Variants in TRPM3 observed in about 807,000 individuals in gnomAD.
TRPM3 encodes the protein long transient receptor potential channel 3.
Under a neutral mutation model 181.2 loss-of-function variants are expected in TRPM3, and 77 were observed. That is an observed-to-expected ratio of 0.42 (90% CI 0.35 to 0.51). The LOEUF is 0.51. TRPM3 is among the 20% of genes least tolerant of loss of function. The pLI is 0.01. For missense variants in TRPM3, 1,759 were observed against 2,196.7 expected (o/e 0.80, Z 3.98); for synonymous variants, 745 against 796.4 (o/e 0.94, Z 1.09).
At chr9:70,596,231 T>G (rs908652633) in intron 21 of TRPM3, among the ~76,000 whole-genome samples, 5 of 152,162 alleles carry the variant, frequency 3.3e-5, no homozygotes, top group African/African-American at 1.2e-4. Context: ...CTCAAAGGGG[T>G]TTAAATAAAT....
intron 3 of TRPM3, among the ~76,000 whole-genome samples, chr9:70,852,036 T>C (rs1374439777): frequency 2.1e-5 from 3 of 145,182 alleles, no homozygotes; most frequent in East Asian, 2.1e-4. Flanking sequence ...GAAGAATCAC[T>C]TGAACCCAGG....
intron 1 of TRPM3, among the ~76,000 whole-genome samples, chr9:71,248,702 C>T (rs528788326): frequency 6.6e-6 from 1 of 152,290 alleles, no homozygotes; most frequent in South Asian, 2.1e-4. Flanking sequence ...TCTTCCCAGT[C>T]AGCCAAGACA....
intron 1 of TRPM3, among the ~76,000 whole-genome samples, chr9:71,366,294 G>A (rs2092333472): frequency 6.6e-6 from 1 of 152,176 alleles, no homozygotes; most frequent in Non-Finnish European, 1.5e-5. Flanking sequence ...TTGCAAGACA[G>A]AATAAATGAA....
At chr9:70,898,710 T>C (rs1211510813) in intron 1 of TRPM3, among the ~76,000 whole-genome samples, 2 of 140,108 alleles carry the variant, frequency 1.4e-5, no homozygotes, top group Non-Finnish European at 3.0e-5. Context: ...ATCGTGCCAT[T>C]GCACTCCAGT....
intron 1 of TRPM3, among the ~76,000 whole-genome samples, chr9:71,087,761 C>A (rs1398540866): frequency 1.3e-5 from 2 of 152,062 alleles, no homozygotes; most frequent in Non-Finnish European, 2.9e-5. Context: ...CATGTTTAGA[C>A]CAACTCTACT....
At chr9:70,699,536 C>T (rs2071710587) in intron 8 of TRPM3, among the ~76,000 whole-genome samples, 1 of 152,156 alleles carries the variant, frequency 6.6e-6, no homozygotes, top group Non-Finnish European at 1.5e-5. Flanking sequence ...CAATGATTCA[C>T]TAAACACTAG....
intron 1 of TRPM3, among the ~76,000 whole-genome samples, chr9:71,355,034 A>T (rs1488754236): frequency 6.6e-6 from 1 of 152,224 alleles, no homozygotes; most frequent in African/African-American, 2.4e-5. Flanking sequence ...AACTCCTGGC[A>T]ACTTATGAAA....
chr9:71,350,818 C>G (rs1403945596), intron 1 of TRPM3, among the ~76,000 whole-genome samples: 2 of 152,136 alleles, frequency 1.3e-5, no homozygotes, highest in African/African-American at 4.8e-5. Context: ...TTTAGTCATA[C>G]AGCAGAAAGA....
At chr9:70,697,313 A>C (rs755211791) in intron 8 of TRPM3, among the ~76,000 whole-genome samples, 35 of 152,208 alleles carry the variant, frequency 2.3e-4, no homozygotes, top group Non-Finnish European at 4.1e-4. Context: ...CTTATTTTGA[A>C]AAGTGTTCTA....
At chr9:71,226,773 C>G (rs1244139434) in intron 1 of TRPM3, among the ~76,000 whole-genome samples, 1 of 151,830 alleles carries the variant, frequency 6.6e-6, no homozygotes, top group African/African-American at 2.4e-5. Flanking sequence ...AGATAGACTC[C>G]AATACAATAA....
chr9:71,125,946 G>A (rs2074005837), upstream of TRPM3, among the ~76,000 whole-genome samples: 1 of 152,072 alleles, frequency 6.6e-6, no homozygotes, highest in African/African-American at 2.4e-5. Flanking sequence ...CCTACAGAAT[G>A]GGAGAAAATT....
At chr9:71,089,343 G>A (rs1357205171) in intron 1 of TRPM3, among the ~76,000 whole-genome samples, 1 of 151,032 alleles carries the variant, frequency 6.6e-6, no homozygotes, top group Non-Finnish European at 1.5e-5. Context: ...GAGCATACAT[G>A]GCAATATATA....
At chr9:70,962,033 G>A (rs1322532719) in intron 1 of TRPM3, among the ~76,000 whole-genome samples, 1 of 152,124 alleles carries the variant, frequency 6.6e-6, no homozygotes, top group Admixed American at 6.6e-5. Context: ...TGATAGGAAG[G>A]AAATGGTAGG....
intron 22 of TRPM3, 164 bp downstream of exon 22, chr9:70,590,867 G>T: frequency 1.2e-6 from 1 of 811,268 alleles, no homozygotes; most frequent in East Asian, 2.6e-5. Context: ...CTAAAATTGT[G>T]TATTCACCTT....
intron 1 of TRPM3, among the ~76,000 whole-genome samples, chr9:71,269,994 T>C (rs1463900822): frequency 1.3e-5 from 2 of 152,220 alleles, no homozygotes; most frequent in African/African-American, 2.4e-5. Flanking sequence ...TCTAACTCAT[T>C]CTTTCTGTTT....
At chr9:70,789,054 C>A (rs2084663543) in intron 6 of TRPM3, among the ~76,000 whole-genome samples, 1 of 152,172 alleles carries the variant, frequency 6.6e-6, no homozygotes, top group Non-Finnish European at 1.5e-5. Flanking sequence ...TCTCTCCATT[C>A]TCCTCTTTCT....
intron 1 of TRPM3, among the ~76,000 whole-genome samples, chr9:71,381,001 C>T (rs905828376): frequency 1.3e-5 from 2 of 151,910 alleles, no homozygotes; most frequent in African/African-American, 4.8e-5. Context: ...TGGAAGGATA[C>T]TATATACACA....
At chr9:70,912,349 A>G (rs761108106) in intron 1 of TRPM3, among the ~76,000 whole-genome samples, 138 of 152,336 alleles carry the variant, frequency 9.1e-4, no homozygotes, top group Non-Finnish European at 1.6e-3. Context: ...GCAGAACAAA[A>G]CAGCCCTTTT....
chr9:71,165,197 AT>A (rs1255461567), intron 1 of TRPM3, among the ~76,000 whole-genome samples: 2 of 152,086 alleles, frequency 1.3e-5, no homozygotes, highest in Admixed American at 1.3e-4. Context: ...GCCTATACCT[AT>A]TTTCACAAGC....
Sources: gnomAD v4.1 joint callset for allele counts (sites outside exome capture counted in the v4.1 genomes callset) on GRCh38, gnomAD v4.1.1 for gene constraint, MANE v1.5 for transcripts, NCBI Gene and HGNC (gene_info 2026-07-23, HGNC 2026-07-21) for gene names.